Variants in GFOD2 observed in about 807,000 individuals in gnomAD.
GFOD2 encodes glucose-fructose oxidoreductase domain-containing protein 2.
GFOD2 carries 9 observed loss-of-function variants against 24.6 expected under a neutral mutation model. The ratio of observed to expected loss-of-function variants is 0.37; its 90% CI spans 0.22 to 0.64. The LOEUF (loss-of-function observed/expected upper bound fraction) is 0.64. Ranked by LOEUF, GFOD2 falls within the 30% of genes least tolerant of loss-of-function variation. GFOD2 has a pLI of 0.65. For synonymous variants in GFOD2, 211 were observed against 224.8 expected, an observed-to-expected ratio of 0.94 and a Z score of 0.55; for missense variants, 476 against 532.5, an observed-to-expected ratio of 0.89 and a Z score of 1.04.
chr16:67,685,424 T>C, intron 2 of GFOD2, 33 bp downstream of exon 2: 1 of 1,613,854 alleles, frequency 6.2e-7, no homozygotes, highest in Non-Finnish European at 8.5e-7. Flanking sequence ...GGGAGAGACA[T>C]GATCTGCCCC....
At chr16:67,677,042 C>G (rs558416369) in intron 2 of GFOD2, 1 of 152,236 alleles carries the variant, frequency 6.6e-6, no homozygotes, top group East Asian at 1.9e-4. Context: ...GGACTAGACA[C>G]ATACAGAAGT....
intron 1 of GFOD2, among the ~76,000 whole-genome samples, chr16:67,711,442 T>A (rs144398819): frequency 2.9e-4 from 44 of 152,322 alleles, no homozygotes; most frequent in African/African-American, 1.1e-3. Context: ...GTGACTGTAG[T>A]AACCATGGCT....
At chr16:67,712,256 GCTCCCTCTCCCTCTCCCT>G (rs1295250419) in intron 1 of GFOD2, among the ~76,000 whole-genome samples, 1 of 122,790 alleles carries the variant, frequency 8.1e-6, no homozygotes, top group African/African-American at 3.4e-5. Flanking sequence ...GTAATAAAGA[GCTCCCTCTCCCTCTCCCT>G]CTCCCCCTCC....
At chr16:67,715,475 G>T (rs74645730) in intron 1 of GFOD2, among the ~76,000 whole-genome samples, 4,438 of 152,258 alleles carry the variant, frequency 0.029, 95 homozygotes, top group Middle Eastern at 0.16. Context: ...AATTTATAAG[G>T]AGGTGTTAGA....
Position 67,703,464 on chromosome 16 carries a change from C to G in GFOD2, c.-88+15699G>C, listed in dbSNP as rs545913428. 1.8e-4 allele frequency among the ~76,000 whole-genome samples: 27 copies of G among 152,194 alleles called. No individual in the cohort carries two copies. The South Asian group carries it at 4.8e-3, about 27-fold the overall frequency. ...AAAAACCCTGTATTTCCTAGCATTC[C>G]TTGTAAAGAGGTGTGTCAAATGAGA... On this transcript the variant is annotated intron_variant, in intron 1 of 2. Coordinates refer to ENST00000268797, the MANE Select transcript of GFOD2 (RefSeq NM_030819.4).
intron 1 of GFOD2, among the ~76,000 whole-genome samples, chr16:67,708,184 G>A (rs1396185898): frequency 6.6e-6 from 1 of 152,152 alleles, no homozygotes; most frequent in East Asian, 1.9e-4. Flanking sequence ...ATCACCTTAA[G>A]TAGTTGTGCC....
At chr16:67,704,523 C>T (rs532520521) in intron 1 of GFOD2, among the ~76,000 whole-genome samples, 1 of 152,254 alleles carries the variant, frequency 6.6e-6, no homozygotes, top group South Asian at 2.1e-4. Flanking sequence ...TCTAATTTCT[C>T]TTTTTGCCCA....
chr16:67,710,771 T>C (rs1441958553), intron 1 of GFOD2, among the ~76,000 whole-genome samples: 1 of 152,142 alleles, frequency 6.6e-6, no homozygotes, highest in African/African-American at 2.4e-5. Flanking sequence ...AACACTGACA[T>C]TGTGAGTCAT....
rs543687037 is a variant in GFOD2, at chr16:67,717,068, GTAT to G, written c.-88+2092_-88+2094del. On this transcript the variant is annotated intron_variant, in intron 1 of 2. Transcript: ENST00000268797. The stretch of plus-strand genomic sequence containing the variant: ...TGCACCACCATGCCCCGATAATTTT[GTAT>G]TTTTAGTAGAGACGGGGTTTCATTA... Among the ~76,000 whole-genome samples the G allele has an allele frequency of 2.0e-5, 3 of 152,172 alleles. No individual in the cohort carries two copies. In the South Asian group the frequency reaches 6.2e-4, roughly 32 times the overall value.
chr16:67,688,180 CA>C (rs1157571748), intron 1 of GFOD2, among the ~76,000 whole-genome samples: 4 of 151,904 alleles, frequency 2.6e-5, no homozygotes, highest in African/African-American at 9.7e-5. Flanking sequence ...GAAAAACACA[CA>C]CTATCAGAAG....
intron 1 of GFOD2, among the ~76,000 whole-genome samples, chr16:67,714,514 C>T (rs1402503122): frequency 2.0e-5 from 3 of 149,844 alleles, no homozygotes; most frequent in Non-Finnish European, 4.4e-5. Flanking sequence ...AGAAATTACA[C>T]GATTTGCCTA....
intron 2 of GFOD2, chr16:67,676,454 A>C: frequency 5.2e-6 from 1 of 191,850 alleles, no homozygotes; most frequent in Non-Finnish European, 1.1e-5. Context: ...TAAACACCCT[A>C]TTGGTTCTGT....
rs532480314 is a variant in GFOD2, at chr16:67,689,622, G to C, written c.-87-3820C>G. 4.5e-3 allele frequency among the ~76,000 whole-genome samples: 678 copies of C among 152,094 alleles called. 6 individuals are homozygous for C. The highest frequency in any genetic ancestry group is 0.015 in the African/African-American group (632 of 41,512). On this transcript the variant is annotated intron_variant, in intron 1 of 2. Coordinates refer to ENST00000268797, the MANE Select transcript of GFOD2 (RefSeq NM_030819.4). The stretch of plus-strand genomic sequence containing the variant: ...GGAGGCGGAGGTTGCAGTGAGCTGA[G>C]ATCAAGCCACTGCACTCCAGCCTGG...
At chr16:67,687,892 T>G (rs1011351751) in intron 1 of GFOD2, among the ~76,000 whole-genome samples, 1 of 151,136 alleles carries the variant, frequency 6.6e-6, no homozygotes, top group Non-Finnish European at 1.5e-5. Context: ...GGTAGAAGGA[T>G]CGCTTGAGCC....
chr16:67,708,029 C>G (rs2053450285), intron 1 of GFOD2, among the ~76,000 whole-genome samples: 1 of 152,108 alleles, frequency 6.6e-6, no homozygotes, highest in African/African-American at 2.4e-5. Context: ...CAGAAAGAGG[C>G]ACAAGGCTAC....
At chr16:67,681,001 A>G (rs940034973) in intron 2 of GFOD2, 8 of 985,346 alleles carry the variant, frequency 8.1e-6, no homozygotes, top group African/African-American at 1.7e-5. Flanking sequence ...GGGGCCCGGC[A>G]GGGAGAGTAG....
chr16:67,703,498 G>T (rs1272032071), intron 1 of GFOD2, among the ~76,000 whole-genome samples: 1 of 152,170 alleles, frequency 6.6e-6, no homozygotes, highest in East Asian at 1.9e-4. Context: ...GATAAATATA[G>T]AAGGTATAGT....
chr16:67,688,315 C>T (rs759331571), intron 1 of GFOD2, among the ~76,000 whole-genome samples: 3 of 151,946 alleles, frequency 2.0e-5, no homozygotes, highest in Non-Finnish European at 4.4e-5. Flanking sequence ...CTAGAATACT[C>T]CTGAATTTAT....
intron 2 of GFOD2, among the ~76,000 whole-genome samples, chr16:67,679,231 T>C (rs1273785463): frequency 6.6e-6 from 1 of 151,746 alleles, no homozygotes; most frequent in Non-Finnish European, 1.5e-5. Context: ...ATTTCTTTTT[T>C]TTTTCTTTTT....
Sources: allele counts gnomAD v4.1 joint callset (sites outside exome capture counted in the v4.1 genomes callset), GRCh38; gene constraint gnomAD v4.1.1; transcripts MANE v1.5; gene names NCBI Gene and HGNC (gene_info 2026-07-23, HGNC 2026-07-21).